The following PLEKHA2 variants were observed in gnomAD, a reference collection of about 807,000 sequenced individuals.
The protein encoded by PLEKHA2 is pleckstrin homology domain containing A2.
A neutral mutation model predicts 53.2 loss-of-function variants in PLEKHA2; 28 were observed. The observed-to-expected ratio is 0.53, with a 90% CI of 0.39 to 0.72. PLEKHA2 has a LOEUF of 0.72. Ranked by LOEUF, PLEKHA2 falls within the 30% of genes least tolerant of loss-of-function variation. The pLI is 0.00. For missense variants in PLEKHA2, 426 were observed against 537.9 expected (o/e 0.79, Z 2.06); for synonymous variants, 193 against 196.4 (o/e 0.98, Z 0.14).
chr8:38,944,041 G>A (rs558711449), intron 4 of PLEKHA2, among the ~76,000 whole-genome samples: 175 of 152,256 alleles, frequency 1.1e-3, no homozygotes, highest in African/African-American at 4.0e-3. Flanking sequence ...CAGAGGTTCA[G>A]GGACTAGTAA....
chr8:38,931,053 G>A (rs962697714), intron 2 of PLEKHA2, among the ~76,000 whole-genome samples: 10 of 152,180 alleles, frequency 6.6e-5, no homozygotes, highest in Admixed American at 3.9e-4. Context: ...CAGGGCGGGC[G>A]GATCACCTGA....
intron 1 of PLEKHA2, among the ~76,000 whole-genome samples, chr8:38,910,058 G>T (rs1222497756): frequency 6.6e-6 from 1 of 151,014 alleles, no homozygotes; most frequent in Non-Finnish European, 1.5e-5. Context: ...CAGGGCTCAA[G>T]TGATCCTCCT....
intron 3 of PLEKHA2, among the ~76,000 whole-genome samples, chr8:38,938,276 C>T (rs780518957): frequency 1.3e-5 from 2 of 152,198 alleles, no homozygotes; most frequent in African/African-American, 2.4e-5. Flanking sequence ...GGTGTACAGA[C>T]ACACCCTGCT....
chr8:38,931,563 G>A (rs1286957649), intron 2 of PLEKHA2, among the ~76,000 whole-genome samples: 1 of 152,198 alleles, frequency 6.6e-6, no homozygotes, highest in Non-Finnish European at 1.5e-5. Context: ...TGACCCCCAA[G>A]TTGGAACCTG....
intron 9 of PLEKHA2, among the ~76,000 whole-genome samples, chr8:38,954,381 G>A (rs1477543546): frequency 2.6e-5 from 4 of 152,210 alleles, no homozygotes; most frequent in Non-Finnish European, 4.4e-5. Context: ...AGTAGGCAGA[G>A]GGAAGATTGG....
intron 4 of PLEKHA2, 75 bp from the exon 5 acceptor site, chr8:38,946,049 G>C: frequency 8.2e-7 from 1 of 1,215,184 alleles, no homozygotes; most frequent in Non-Finnish European, 1.2e-6. Flanking sequence ...AAACACCTTA[G>C]CTTTGTGGAG....
intron 5 of PLEKHA2, among the ~76,000 whole-genome samples, chr8:38,948,613 G>A (rs1197865468): frequency 6.6e-6 from 1 of 152,152 alleles, no homozygotes; most frequent in South Asian, 2.1e-4. Context: ...CTTTGTGGGG[G>A]CCCAGCATAA....
chr8:38,950,828 T>C (rs1834820540), intron 5 of PLEKHA2, 22 bp from the exon 6 acceptor site: 3 of 1,607,176 alleles, frequency 1.9e-6, no homozygotes, highest in Non-Finnish European at 1.7e-6. Flanking sequence ...TCCCCATTGA[T>C]TGTTGCTGCC....
chr8:38,912,647 C>T (rs1378309922), intron 1 of PLEKHA2, among the ~76,000 whole-genome samples: 1 of 152,160 alleles, frequency 6.6e-6, no homozygotes, highest in Non-Finnish European at 1.5e-5. Context: ...GGGCCTGGGG[C>T]AGCTCTGTGG....
chr8:38,920,808 T>C (rs1475280490), intron 2 of PLEKHA2, among the ~76,000 whole-genome samples: 3 of 151,928 alleles, frequency 2.0e-5, no homozygotes, highest in African/African-American at 4.8e-5. Context: ...TTTTTTTTTT[T>C]TCTTCTTTTG....
At chr8:38,938,017 T>TCGCC (rs1834528900) in intron 3 of PLEKHA2, among the ~76,000 whole-genome samples, 1 of 152,160 alleles carries the variant, frequency 6.6e-6, no homozygotes, top group Non-Finnish European at 1.5e-5. Flanking sequence ...AAAGTGATGA[T>TCGCC]TGGATGTCAT....
chr8:38,932,697 C>T (rs551124761), intron 2 of PLEKHA2, among the ~76,000 whole-genome samples: 2 of 152,344 alleles, frequency 1.3e-5, no homozygotes, highest in South Asian at 4.1e-4. Context: ...GGTCCAGTCA[C>T]TGGAGTGGAC....
chr8:38,917,140 A>G (rs1226307207), intron 1 of PLEKHA2, among the ~76,000 whole-genome samples: 1 of 152,028 alleles, frequency 6.6e-6, no homozygotes, highest in Non-Finnish European at 1.5e-5. Context: ...TTTTTCCTAT[A>G]AAGTTGTTTG....
intron 9 of PLEKHA2, among the ~76,000 whole-genome samples, chr8:38,955,870 G>A (rs773844138): frequency 3.3e-5 from 5 of 152,160 alleles, no homozygotes; most frequent in Non-Finnish European, 7.3e-5. Context: ...CCAGATTGGA[G>A]TGCAATCTCA....
intron 1 of PLEKHA2, among the ~76,000 whole-genome samples, chr8:38,909,579 C>A (rs1296415426): frequency 6.6e-6 from 1 of 152,112 alleles, no homozygotes; most frequent in East Asian, 1.9e-4. Flanking sequence ...TTCCTCGGGG[C>A]AATTTTTTTC....
intron 6 of PLEKHA2, 31 bp downstream of exon 6, chr8:38,951,021 G>A (rs1588268362): frequency 3.1e-6 from 5 of 1,603,352 alleles, no homozygotes; most frequent in South Asian, 1.1e-5. Context: ...TGCGGGGGGA[G>A]TGGGGGTGTG....
At chr8:38,939,992 G>A (rs1432778927) in intron 3 of PLEKHA2, among the ~76,000 whole-genome samples, 1 of 151,950 alleles carries the variant, frequency 6.6e-6, no homozygotes, top group Non-Finnish European at 1.5e-5. Context: ...CTACTTGGGA[G>A]GCTGAGTTGG....
intron 5 of PLEKHA2, among the ~76,000 whole-genome samples, chr8:38,948,377 A>G (rs1834756394): frequency 6.6e-6 from 1 of 152,158 alleles, no homozygotes; most frequent in African/African-American, 2.4e-5. Context: ...AGTGGAGAAA[A>G]TCATGCCTGG....
intron 2 of PLEKHA2, among the ~76,000 whole-genome samples, chr8:38,933,432 G>C (rs6997434): frequency 0.87 from 132,616 of 152,172 alleles, 58,441 homozygotes; most frequent in African/African-American, 0.96. Context: ...CATGCCACTT[G>C]CAGGGCACTG....
Sources: allele counts gnomAD v4.1 joint callset (sites outside exome capture counted in the v4.1 genomes callset), GRCh38; gene constraint gnomAD v4.1.1; transcripts MANE v1.5; gene names NCBI Gene and HGNC (gene_info 2026-07-23, HGNC 2026-07-21).